Variants in GLIS3 observed in about 807,000 individuals in gnomAD.
GLIS3 encodes the protein GLIS family zinc finger 3.
GLIS3 carries 53 observed loss-of-function variants against 78.6 expected under a neutral mutation model. The ratio of observed to expected loss-of-function variants is 0.67; its 90% confidence interval spans 0.54 to 0.85. The LOEUF (loss-of-function observed/expected upper bound fraction) is 0.85. Among genes scored for constraint, GLIS3 ranks in the 40% least tolerant of loss-of-function variants. The pLI, the probability that GLIS3 is intolerant of heterozygous loss-of-function variation, is 0.00. For missense variants in GLIS3, 1,703 were observed against 1,231.1 expected (o/e 1.38, Z -5.74); for synonymous variants, 684 against 509.9 (o/e 1.34, Z -4.60).
chr9:4,475,003 T>C, the GLIS3 span, among the ~76,000 whole-genome samples: 1 of 143,870 alleles, frequency 7.0e-6, no homozygotes, highest in Non-Finnish European at 1.5e-5. Context: ...TTCTTTTTTT[T>C]TTTTTTTTGA....
the GLIS3 span, among the ~76,000 whole-genome samples, chr9:4,368,755 G>T: frequency 3.3e-5 from 5 of 152,210 alleles, no homozygotes; most frequent in East Asian, 9.6e-4. Flanking sequence ...GCTTTAAGAA[G>T]AGGAGGATAG....
chr9:4,288,577 C>T (rs868035940), intron 1 of GLIS3, among the ~76,000 whole-genome samples: 9 of 151,908 alleles, frequency 5.9e-5, no homozygotes, highest in Non-Finnish European at 8.8e-5. Flanking sequence ...GTACTTAGCA[C>T]GATCATTAAA....
intron 2 of GLIS3, among the ~76,000 whole-genome samples, chr9:4,214,123 C>A (rs1396818995): frequency 6.6e-6 from 1 of 152,194 alleles, no homozygotes; most frequent in Non-Finnish European, 1.5e-5. Context: ...TGCATTCTAA[C>A]ACATATCAAA....
intron 2 of GLIS3, among the ~76,000 whole-genome samples, chr9:4,136,217 A>T (rs1375597331): frequency 2.0e-5 from 3 of 152,228 alleles, no homozygotes; most frequent in Non-Finnish European, 4.4e-5. Context: ...TCACCTAGGA[A>T]CAATCGGATA....
At chr9:3,909,044 C>T (rs1165530933) in intron 6 of GLIS3, among the ~76,000 whole-genome samples, 1 of 152,146 alleles carries the variant, frequency 6.6e-6, no homozygotes, top group Non-Finnish European at 1.5e-5. Context: ...TTATGCATCA[C>T]CTTGTAGGGA....
At chr9:4,096,038 C>T (rs541545252) in intron 4 of GLIS3, among the ~76,000 whole-genome samples, 2 of 145,112 alleles carry the variant, frequency 1.4e-5, no homozygotes, top group African/African-American at 5.0e-5. Context: ...GTCTCTATCA[C>T]AGATTTTGTC....
chr9:4,020,099 G>A (rs901669487), intron 4 of GLIS3, among the ~76,000 whole-genome samples: 9 of 152,078 alleles, frequency 5.9e-5, no homozygotes, highest in East Asian at 3.9e-4. Flanking sequence ...AGAAGGTGAC[G>A]TCTGAGAAAA....
intron 6 of GLIS3, among the ~76,000 whole-genome samples, chr9:3,925,801 T>C (rs1313301537): frequency 6.6e-6 from 1 of 152,252 alleles, no homozygotes; most frequent in Non-Finnish European, 1.5e-5. Flanking sequence ...TTAAAAGTGT[T>C]TGAGATCTTT....
chr9:4,249,266 C>G (rs1377122930), intron 2 of GLIS3, among the ~76,000 whole-genome samples: 3 of 152,102 alleles, frequency 2.0e-5, no homozygotes, highest in South Asian at 2.1e-4. Context: ...ATGGAATGTC[C>G]TTCCCTTTGT....
intron 1 of GLIS3, among the ~76,000 whole-genome samples, chr9:4,292,519 A>T (rs1225645746): frequency 6.6e-6 from 1 of 152,214 alleles, no homozygotes; most frequent in African/African-American, 2.4e-5. Context: ...AGTAAAATAA[A>T]TAACAAAATA....
intron 2 of GLIS3, among the ~76,000 whole-genome samples, chr9:4,188,940 C>A (rs201827134): frequency 2.0e-5 from 3 of 152,058 alleles, no homozygotes; most frequent in East Asian, 1.9e-4. Context: ...ATCCTTTCAA[C>A]AAACCAGCTC....
intron 2 of GLIS3, among the ~76,000 whole-genome samples, chr9:4,188,639 G>C (rs1184961638): frequency 6.6e-6 from 1 of 152,120 alleles, no homozygotes; most frequent in African/African-American, 2.4e-5. Context: ...ACTCTTTTTG[G>C]TTGGTAAGCT....
rs554917176 is a variant in GLIS3 at position 4,216,055 on chromosome 9, T to A, written c.388+69983A>T. Among the ~76,000 whole-genome samples, 5 of 152,214 alleles carry A rather than the reference T, an allele frequency of 3.3e-5. No individual in the cohort carries two copies. In the South Asian group the frequency reaches 8.3e-4, roughly 25 times the overall value. On this transcript the variant is annotated intron_variant, in intron 2 of 10. Transcript: ENST00000381971. ...AATGTTTGAGAAAATTAGGTCCACA[T>A]AAATTGACTACATATACTCAGAGAA...
At position 4,117,833 on chromosome 9, in the gene GLIS3, T is replaced by C. The variant is rs138340426; in HGVS notation, c.1645A>G (p.Asn549Asp). ...AGCPRRYKPF[N>D]ARYKLLIHMR... ...TGGATCAGCAGTTTATAGCGGGCGT[T>C]GAAGGGCTTGTATCTTCGAGGGCAA... The change falls in exon 4 of 11, where the codon AAC (asparagine) becomes GAC (aspartate). Residue 549 changes from asparagine (N) to aspartate (D), a missense_variant. Asn to Asp is a conservative substitution (Grantham distance 23). Coordinates refer to ENST00000381971, the MANE Select transcript of GLIS3 (RefSeq NM_001042413.2). The C allele has an allele frequency of 3.7e-6, 6 of 1,614,002 alleles. No homozygotes were observed. The African/African-American group carries it at 8.0e-5, about 22-fold the overall frequency.
chr9:4,470,839 G>C, the GLIS3 span, among the ~76,000 whole-genome samples: 1 of 151,848 alleles, frequency 6.6e-6, no homozygotes, highest in Non-Finnish European at 1.5e-5. Context: ...TGACATGATT[G>C]TATATCTAGA....
At chr9:4,416,689 C>T in the GLIS3 span, among the ~76,000 whole-genome samples, 1 of 152,094 alleles carries the variant, frequency 6.6e-6, no homozygotes, top group African/African-American at 2.4e-5. Context: ...CTCTGGGACA[C>T]CTTCCTCCTT....
chr9:4,067,340 T>G (rs1381547267), intron 4 of GLIS3, among the ~76,000 whole-genome samples: 1 of 152,034 alleles, frequency 6.6e-6, no homozygotes, highest in Non-Finnish European at 1.5e-5. Flanking sequence ...ATTTTAAAAT[T>G]ATTCTCTCCA....
At chr9:3,907,917 A>G (rs989481162) in intron 6 of GLIS3, among the ~76,000 whole-genome samples, 2 of 152,324 alleles carry the variant, frequency 1.3e-5, no homozygotes, top group African/African-American at 4.8e-5. Context: ...TCGAGAGGCA[A>G]TCAGCAGCAC....
chr9:3,967,460 G>A (rs937292527), intron 4 of GLIS3, among the ~76,000 whole-genome samples: 12 of 151,996 alleles, frequency 7.9e-5, no homozygotes, highest in Non-Finnish European at 1.6e-4. Context: ...CCAAGATCGG[G>A]CCATTGCACT....
Sources: allele counts gnomAD v4.1 joint callset (sites outside exome capture counted in the v4.1 genomes callset), GRCh38; gene constraint gnomAD v4.1.1; transcripts MANE v1.5; gene names NCBI Gene and HGNC (gene_info 2026-07-23, HGNC 2026-07-21).